Variants in CDKN2B-AS1 observed in about 807,000 individuals in gnomAD.
CDKN2B-AS1 encodes CDKN2B antisense RNA 1 (non-protein coding).
chr9:22,013,595 G>A (rs973478092), intron 1 of CDKN2B-AS1, among the ~76,000 whole-genome samples: 1 of 152,124 alleles, frequency 6.6e-6, no homozygotes, highest in Non-Finnish European at 1.5e-5. Context: ...GGGACTACAG[G>A]TGTTGGCCAC....
chr9:22,085,491 C>A lies in CDKN2B-AS1; in HGVS notation n.438+29104C>A, dbSNP rs187940494. Among the ~76,000 whole-genome samples, 4 of 152,200 alleles carry A rather than the reference C, an allele frequency of 2.6e-5. No homozygotes were observed. The East Asian group carries it at 5.8e-4, about 22-fold the overall frequency. On this transcript the variant is annotated intron_variant and non_coding_transcript_variant, in intron 4 of 4. Transcript: ENST00000650946. ...TTCCCAGCACTTTGGGAGGCTGAGG[C>A]GGGCGGATCACGAGGTCAGGAGATC... is the stretch of plus-strand genomic sequence containing the variant.
chr9:22,089,755 C>G (rs1038562869), intron 4 of CDKN2B-AS1, among the ~76,000 whole-genome samples: 8 of 151,916 alleles, frequency 5.3e-5, no homozygotes, highest in Non-Finnish European at 1.2e-4. Context: ...CCCTAGCAGA[C>G]GTCTTACTTT....
intron 4 of CDKN2B-AS1, among the ~76,000 whole-genome samples, chr9:22,087,077 T>C (rs1824890733): frequency 6.6e-6 from 1 of 152,202 alleles, no homozygotes; most frequent in Admixed American, 6.5e-5. Flanking sequence ...TTAGCCCCTG[T>C]AGTGAATCAG....
At chr9:22,004,559 T>C (rs1821075202) in intron 1 of CDKN2B-AS1, 1 of 232,414 alleles carries the variant, frequency 4.3e-6, no homozygotes, top group Admixed American at 5.6e-5. Flanking sequence ...TACCCACCTC[T>C]TGGAGTTCAA....
chr9:22,085,468 C>T (rs1478004459), intron 4 of CDKN2B-AS1, among the ~76,000 whole-genome samples: 1 of 152,148 alleles, frequency 6.6e-6, no homozygotes, highest in Non-Finnish European at 1.5e-5. Flanking sequence ...GCCTGTAATT[C>T]CCAGCACTTT....
intron 1 of CDKN2B-AS1, among the ~76,000 whole-genome samples, chr9:21,998,371 G>A (rs1364291112): frequency 6.6e-6 from 1 of 152,122 alleles, no homozygotes; most frequent in Admixed American, 6.5e-5. Context: ...TTCAAAATTG[G>A]GATTATTACT....
rs1416977698 is a variant in CDKN2B-AS1, at chr9:22,005,647, C to T, written n.29+10486C>T. Reference sequence around the variant, plus strand: ...TGGGAGATTCATCCATCGGAAGATTCGTAGCCACCAGGTCCAGTCAAGGAT... The same window carrying T: ...TGGGAGATTCATCCATCGGAAGATTTGTAGCCACCAGGTCCAGTCAAGGAT... On this transcript the variant is annotated intron_variant and non_coding_transcript_variant, in intron 1 of 4. Transcript: ENST00000650946. The surrounding 1 kb of genome is among the most constrained non-coding windows in gnomAD (Gnocchi z 4.9). The T allele has an allele frequency of 4.3e-6, 2 of 467,716 alleles. No homozygotes were observed. Among genetic ancestry groups the T allele is most frequent in the East Asian group, 3.8e-5 (1 of 26,126 alleles). 29.0% of individuals were successfully genotyped at this position (467,716 alleles called of 1,614,324 possible).
In CDKN2B-AS1 at chr9:22,093,445, G is replaced by A. The variant is rs567142090; in HGVS notation, n.439-33658G>A. ...TGTTAAAGTGTCCTATTATTATTGT[G>A]TGGGAGTCTAAGTCTCCTTGTAGGT... On this transcript the variant is annotated intron_variant and non_coding_transcript_variant, in intron 4 of 4. Coordinates refer to ENST00000650946, the Ensembl canonical transcript of CDKN2B-AS1. 5.2e-5 allele frequency among the ~76,000 whole-genome samples: 6 copies of A among 115,260 alleles called. No homozygotes were observed. The South Asian group carries it at 2.0e-3, about 39-fold the overall frequency. The allele number at this position is 115,260 out of a possible 152,430, so 75.6% of individuals were successfully genotyped here.
intron 4 of CDKN2B-AS1, chr9:22,077,687 C>T (rs1309625084): frequency 3.9e-5 from 6 of 152,112 alleles, no homozygotes; most frequent in African/African-American, 7.2e-5. Context: ...AGGATGATTA[C>T]GGAGCTAGGA....
At chr9:22,045,951 C>T (rs1823091538) in intron 1 of CDKN2B-AS1, among the ~76,000 whole-genome samples, 1 of 152,106 alleles carries the variant, frequency 6.6e-6, no homozygotes, top group Non-Finnish European at 1.5e-5. Flanking sequence ...AATGAATTCT[C>T]TTGCTATATT....
chr9:22,095,873 T>G lies in CDKN2B-AS1; in HGVS notation n.439-31230T>G, dbSNP rs533953857. ...TCTTTGTCTCTTTTGATTTTGTTGG[T>G]TTAAAGTCTGTTTTATCAGAGACTA... On this transcript the variant is annotated intron_variant and non_coding_transcript_variant, in intron 4 of 4. Transcript: ENST00000650946. 7.3e-5 allele frequency among the ~76,000 whole-genome samples: 11 copies of G among 151,254 alleles called. No individual in the cohort carries two copies. In the East Asian group the frequency reaches 2.1e-3, roughly 29 times the overall value.
chr9:22,063,183 T>C (rs1264685872), intron 4 of CDKN2B-AS1, among the ~76,000 whole-genome samples: 1 of 152,094 alleles, frequency 6.6e-6, no homozygotes, highest in Non-Finnish European at 1.5e-5. Flanking sequence ...TAGGAGCAGA[T>C]GAGGCACACC....
In CDKN2B-AS1 at chr9:21,999,613, T is replaced by C. The variant is rs1276832529; in HGVS notation, n.29+4452T>C. 6.6e-6 allele frequency among the ~76,000 whole-genome samples: 1 copy of C among 152,120 alleles called. No homozygotes were observed. Among genetic ancestry groups the C allele is most frequent in the Non-Finnish European group, 1.5e-5 (1 of 67,992 alleles). On this transcript the variant is annotated intron_variant and non_coding_transcript_variant, in intron 1 of 4. Coordinates refer to ENST00000650946, the Ensembl canonical transcript of CDKN2B-AS1. This position sits in a 1 kb window ranked among gnomAD's most constrained non-coding sequence, Gnocchi z 4.7. Reference sequence around the variant, plus strand: ...CTTCAGCTAAAGCAATTCACTCCTATATAAATTGCTACAGATAACTTGTAT... The same window carrying C: ...CTTCAGCTAAAGCAATTCACTCCTACATAAATTGCTACAGATAACTTGTAT...
At chr9:22,054,805 AGTCTC>A (rs1385637083) in intron 3 of CDKN2B-AS1, among the ~76,000 whole-genome samples, 9 of 149,126 alleles carry the variant, frequency 6.0e-5, no homozygotes, top group Non-Finnish European at 1.0e-4. Flanking sequence ...CTTGAGACAG[AGTCTC>A]ACTCTGTCTC....
At chr9:22,070,969 C>G (rs1824263183) in intron 4 of CDKN2B-AS1, among the ~76,000 whole-genome samples, 1 of 151,978 alleles carries the variant, frequency 6.6e-6, no homozygotes, top group African/African-American at 2.4e-5. Flanking sequence ...GCCTTGGAAG[C>G]AAGGTACAGG....
At chr9:22,057,838 G>T (rs1823637034) in intron 4 of CDKN2B-AS1, among the ~76,000 whole-genome samples, 1 of 151,970 alleles carries the variant, frequency 6.6e-6, no homozygotes, top group African/African-American at 2.4e-5. Context: ...GTGATAGGCT[G>T]GGCAAGGTGG....
rs141994158 is a variant in CDKN2B-AS1 at position 22,044,813 on chromosome 9, A to T, written n.30-1938A>T. On this transcript the variant is annotated intron_variant and non_coding_transcript_variant, in intron 1 of 4. Transcript: ENST00000650946. ...AGGAAATGTTTAACCCACATTTGTC[A>T]TCTTGGCTGGGAAAGAAGTTTGAAG... Among the ~76,000 whole-genome samples the T allele has an allele frequency of 2.4e-3, 362 of 151,856 alleles. 2 individuals carry two copies. Among genetic ancestry groups the T allele is most frequent in the African/African-American group, 8.3e-3 (344 of 41,436 alleles).
intron 4 of CDKN2B-AS1, among the ~76,000 whole-genome samples, chr9:22,071,418 G>A (rs780846002): frequency 2.7e-5 from 4 of 148,022 alleles, no homozygotes; most frequent in Admixed American, 6.9e-5. Flanking sequence ...CTAAGTATAC[G>A]AGTACCTAGA....
intron 4 of CDKN2B-AS1, among the ~76,000 whole-genome samples, chr9:22,116,464 T>C (rs181561044): frequency 9.5e-4 from 144 of 152,210 alleles, no homozygotes; most frequent in African/African-American, 3.2e-3. Context: ...CAAATAAAAG[T>C]ATTCAGATAG....
Sources: allele counts gnomAD v4.1 joint callset (sites outside exome capture counted in the v4.1 genomes callset), GRCh38; gene constraint gnomAD v4.1.1; non-coding constraint Gnocchi (gnomAD v3.1); transcripts MANE v1.5; gene names NCBI Gene and HGNC (gene_info 2026-07-23, HGNC 2026-07-21).